The following RGS9 variants were observed in gnomAD, a reference collection of about 807,000 sequenced individuals.
RGS9 encodes regulator of G protein signaling 9.
RGS9 carries 78 observed loss-of-function variants against 102.0 expected under a neutral mutation model. That is an observed-to-expected ratio of 0.76 (90% CI 0.64 to 0.92). The LOEUF (loss-of-function observed/expected upper bound fraction) is 0.92, where lower values mean the gene tolerates loss of function less well. Ranked by LOEUF, RGS9 falls within the 40% of genes least tolerant of loss-of-function variation. The pLI is 0.00. For synonymous variants in RGS9, 353 were observed against 318.6 expected (o/e 1.11, Z -1.15); for missense variants, 833 against 866.1 (o/e 0.96, Z 0.48).
At chr17:65,148,954 G>GTT (rs201719942) in intron 1 of RGS9, among the ~76,000 whole-genome samples, 11 of 151,720 alleles carry the variant, frequency 7.3e-5, no homozygotes, top group Admixed American at 2.0e-4. Context: ...TGGTTTTGGT[G>GTT]TTTTTTTTGT....
chr17:65,222,622 C>G (rs1024004358), intron 17 of RGS9, among the ~76,000 whole-genome samples: 45 of 152,146 alleles, frequency 3.0e-4, no homozygotes, highest in African/African-American at 4.8e-4. Flanking sequence ...ACGAGCCACC[C>G]TTTTCCACCT....
chr17:65,186,228 G>T (rs150392511), intron 9 of RGS9, among the ~76,000 whole-genome samples: 1 of 149,028 alleles, frequency 6.7e-6, no homozygotes, highest in Non-Finnish European at 1.5e-5. Flanking sequence ...ATGGAGTCTC[G>T]CTCTGTGGCC....
At chr17:65,157,822 G>GTCCTCTTC (rs150728864) in intron 2 of RGS9, among the ~76,000 whole-genome samples, 4,143 of 152,202 alleles carry the variant, frequency 0.027, 187 homozygotes, top group African/African-American at 0.094. Context: ...CCCTCAGCCT[G>GTCCTCTTC]TCCTCTTCTC....
chr17:65,157,250 G>A (rs1262642231), intron 2 of RGS9, among the ~76,000 whole-genome samples: 1 of 152,074 alleles, frequency 6.6e-6, no homozygotes, highest in Non-Finnish European at 1.5e-5. Flanking sequence ...TGGAAAATGT[G>A]ACCATTGGCA....
At chr17:65,171,123 T>C (rs1323905753) in intron 8 of RGS9, among the ~76,000 whole-genome samples, 1 of 152,156 alleles carries the variant, frequency 6.6e-6, no homozygotes, top group African/African-American at 2.4e-5. Flanking sequence ...TAACCAACAG[T>C]TGTAGAGTGA....
At chr17:65,153,576 C>A in intron 2 of RGS9, 58 bp downstream of exon 2, 2 of 1,333,244 alleles carry the variant, frequency 1.5e-6, no homozygotes, top group Non-Finnish European at 2.2e-6. Flanking sequence ...CCCAATACGG[C>A]CCACCTCCTG....
rs1194017188 is a variant in RGS9, at chr17:65,227,382, T to A, written c.2000T>A (p.Val667Asp). 2 of 1,613,340 alleles carry A rather than the reference T, an allele frequency of 1.2e-6. No individual in the cohort carries two copies. The highest frequency in any genetic ancestry group is 1.3e-5 in the African/African-American group (1 of 74,722). The change falls in exon 19 of 19, where the codon GTC becomes GAC. Residue 667 changes from valine to aspartate, a missense_variant. Physicochemically the swap from Val to Asp is radical, Grantham distance 152. Around this residue, in one of 3 missense-constraint regions of RGS9, gnomAD observed 320 missense variants for 276.8 expected, o/e 1.16. Coordinates refer to ENST00000262406, the MANE Select transcript of RGS9 (RefSeq NM_003835.4). ...GGTGACCGGGCCACAGAAAAGGAGG[T>A]CATCTGCCCCTGGGAGAGCCTGTAA... The part of the protein sequence containing the change: ...ESGDRATEKE[V>D]ICPWESL
intron 9 of RGS9, among the ~76,000 whole-genome samples, chr17:65,187,399 C>A (rs1912164835): frequency 1.3e-5 from 2 of 152,188 alleles, no homozygotes; most frequent in African/African-American, 4.8e-5. Context: ...CTACGTGAGC[C>A]TTACCTTTCT....
intron 6 of RGS9, 101 bp from the exon 7 acceptor site, chr17:65,162,912 A>C: frequency 1.4e-6 from 1 of 715,248 alleles, no homozygotes; most frequent in South Asian, 1.5e-5. Context: ...CATGGTTGCC[A>C]TGAGCCAGGG....
Position 65,225,506 on chromosome 17 carries a change from G to A in RGS9, c.1892+20G>A, listed in dbSNP as rs367777377. The A allele has an allele frequency of 8.8e-6, 14 of 1,599,620 alleles. 1 individual carries two copies. The highest frequency in any genetic ancestry group is 1.6e-4 in the Middle Eastern group (1 of 6,082). On this transcript the variant is annotated intron_variant, in intron 18 of 18. Coordinates refer to ENST00000262406, the MANE Select transcript of RGS9 (RefSeq NM_003835.4). The stretch of plus-strand genomic sequence containing the variant: ...AGCAAAGTAAGAACCCGAAGGGGAC[G>A]TGCCGTATGCATGGGTGGCTGTGGG...
intron 12 of RGS9, among the ~76,000 whole-genome samples, chr17:65,194,206 C>T (rs570850979): frequency 2.6e-5 from 4 of 152,246 alleles, no homozygotes; most frequent in South Asian, 2.1e-4. Flanking sequence ...TCAAGGTTTA[C>T]GAATCTTGTA....
At chr17:65,180,710 A>T (rs9892174) in intron 9 of RGS9, among the ~76,000 whole-genome samples, 328 of 152,280 alleles carry the variant, frequency 2.2e-3, no homozygotes, top group African/African-American at 7.1e-3. Context: ...GGTAAACTGC[A>T]TGTCACCGGA....
At chr17:65,188,193 A>G (rs1483615951) in intron 9 of RGS9, among the ~76,000 whole-genome samples, 1 of 152,178 alleles carries the variant, frequency 6.6e-6, no homozygotes, top group Admixed American at 6.5e-5. Context: ...TTGCAGATCT[A>G]TGTATTTTAG....
At chr17:65,174,563 ATG>A (rs1427560702) in intron 8 of RGS9, among the ~76,000 whole-genome samples, 2 of 151,732 alleles carry the variant, frequency 1.3e-5, no homozygotes, top group African/African-American at 4.9e-5. Flanking sequence ...GTGAGCATGT[ATG>A]TGAGTGTGAG....
At position 65,215,489 on chromosome 17, in the gene RGS9, G is replaced by GTTCTTTCTTTCTTTCT. The variant is rs1453846214; in HGVS notation, c.1407+4891_1407+4892insTTTCTTTCTTTCTTTC. Reference sequence around the variant, plus strand: ...TTCTTTCTTTCTCTATCTTTCTTTCGTTCTTTCGTTCTTTCTTTCTTTCTT... The same window carrying GTTCTTTCTTTCTTTCT: ...TTCTTTCTTTCTCTATCTTTCTTTCGTTCTTTCTTTCTTTCTTTCTTTCGTTCTTTCTTTCTTTCTT... On this transcript the variant is annotated intron_variant, in intron 17 of 18. Coordinates refer to ENST00000262406, the MANE Select transcript of RGS9 (RefSeq NM_003835.4). 6.8e-3 allele frequency among the ~76,000 whole-genome samples: 783 copies of GTTCTTTCTTTCTTTCT among 115,978 alleles called. 10 individuals are homozygous for GTTCTTTCTTTCTTTCT. Among genetic ancestry groups the GTTCTTTCTTTCTTTCT allele is most frequent in the African/African-American group, 0.011 (350 of 31,596 alleles). 76.1% of individuals were successfully genotyped at this position (115,978 alleles called of 152,430 possible).
intron 17 of RGS9, among the ~76,000 whole-genome samples, chr17:65,221,706 G>C (rs1317563230): frequency 6.6e-6 from 1 of 152,186 alleles, no homozygotes; most frequent in African/African-American, 2.4e-5. Flanking sequence ...GGTTCTGAAG[G>C]CTGGGATGTC....
intron 8 of RGS9, among the ~76,000 whole-genome samples, chr17:65,175,199 G>A (rs938597481): frequency 2.0e-5 from 3 of 152,094 alleles, no homozygotes; most frequent in African/African-American, 4.8e-5. Flanking sequence ...GCGTGTGTGA[G>A]TGTGCCAGTG....
chr17:65,220,652 C>T (rs1266743976), intron 17 of RGS9, among the ~76,000 whole-genome samples: 3 of 152,242 alleles, frequency 2.0e-5, no homozygotes, highest in African/African-American at 7.2e-5. Flanking sequence ...ATGTGGCCCT[C>T]TGCTCACCTT....
intron 9 of RGS9, 34 bp downstream of exon 9, chr17:65,177,837 A>C: frequency 6.3e-7 from 1 of 1,584,464 alleles, no homozygotes. Flanking sequence ...GGTAGGGCCT[A>C]GGTCGGATTC....
Sources: allele counts gnomAD v4.1 joint callset (sites outside exome capture counted in the v4.1 genomes callset), GRCh38; gene constraint gnomAD v4.1.1; regional missense constraint gnomAD v4.1.1; transcripts MANE v1.5; gene names NCBI Gene and HGNC (gene_info 2026-07-23, HGNC 2026-07-21).